HYDIN: variants seen among roughly 807,000 people sequenced by gnomAD.
The protein encoded by HYDIN is axonemal central pair apparatus protein HYDIN.
In HYDIN, 132 loss-of-function variants were observed where a neutral mutation model predicts 403.9. The ratio of observed to expected loss-of-function variants is 0.33; its 90% CI spans 0.28 to 0.38. HYDIN has a LOEUF of 0.38. Among genes scored for constraint, HYDIN ranks in the 10% least tolerant of loss-of-function variants. The probability of loss-of-function intolerance (pLI) is 1.00; values close to 1 mark genes in which losing one functional copy is unlikely to be tolerated. For synonymous variants in HYDIN, 1,202 were observed against 1,891.7 expected, an observed-to-expected ratio of 0.64 and a Z score of 9.46; for missense variants, 2,827 against 5,009.5, an observed-to-expected ratio of 0.56 and a Z score of 13.15.
chr16:71,140,064 G>C (rs368509412), intron 7 of HYDIN, among the ~76,000 whole-genome samples: 1 of 145,786 alleles, frequency 6.9e-6, no homozygotes, highest in African/African-American at 2.5e-5. Flanking sequence ...TGAAACAATG[G>C]AAACTAAAAA....
chr16:70,881,565 G>A (rs1798431), intron 60 of HYDIN, among the ~76,000 whole-genome samples: 20,122 of 138,470 alleles, frequency 0.15, 2,762 homozygotes, highest in African/African-American at 0.39. Context: ...CTGAGATTGC[G>A]CCACTGCACT....
chr16:71,067,790 G>A (rs1303879550), intron 14 of HYDIN, among the ~76,000 whole-genome samples: 1 of 152,028 alleles, frequency 6.6e-6, no homozygotes, highest in Non-Finnish European at 1.5e-5. Flanking sequence ...TATAGCACAA[G>A]TTCTCTTACA....
chr16:70,861,003 A>G (rs1203763002), intron 69 of HYDIN, 102 bp from the exon 70 acceptor site: 4 of 876,398 alleles, frequency 4.6e-6, no homozygotes, highest in Non-Finnish European at 5.4e-6. Flanking sequence ...TGTGAGCTCT[A>G]TGGGAGCAGA....
At chr16:71,048,888 T>C (rs1466782011) in intron 18 of HYDIN, among the ~76,000 whole-genome samples, 16 of 152,234 alleles carry the variant, frequency 1.1e-4, no homozygotes, top group African/African-American at 3.6e-4. Flanking sequence ...AAAAAAGAAC[T>C]CTGCTCTCTT....
rs1258439967 is a variant in HYDIN at position 70,882,814 on chromosome 16, G to C, written c.10061C>G (p.Thr3354Ser). ...TSANLHHILQ[T>S]IESGGLFVED... Reference sequence around the variant, plus strand: ...GACGAACAGCCCCCCGCTCTCTATGGTCTGCAGGATGTGGTGCAGGTTGGC... The same window carrying C: ...GACGAACAGCCCCCCGCTCTCTATGCTCTGCAGGATGTGGTGCAGGTTGGC... Residue 3354 changes from threonine to serine, a missense_variant, in exon 60 of 86, where the codon ACC (threonine) becomes AGC (serine). By Grantham distance (58) the Thr-to-Ser change is moderately conservative (BLOSUM62 1). Transcript: ENST00000393567. 5 of 1,518,356 alleles carry C rather than the reference G, an allele frequency of 3.3e-6. No individual in the cohort carries two copies. The African/African-American group carries it at 5.5e-5, about 17-fold the overall frequency. 94.1% of individuals were successfully genotyped at this position (1,518,356 alleles called of 1,614,324 possible). A position where few individuals can be genotyped will look rare whatever the true frequency, so the allele number is the denominator to read the frequency against.
intron 23 of HYDIN, among the ~76,000 whole-genome samples, chr16:70,999,032 G>A (rs965184966): frequency 6.6e-6 from 1 of 152,202 alleles, no homozygotes; most frequent in Non-Finnish European, 1.5e-5. Flanking sequence ...CTGGTCACGT[G>A]TGCTAAGGTG....
chr16:71,198,657 G>A (rs2087829189), intron 1 of HYDIN, among the ~76,000 whole-genome samples: 1 of 152,178 alleles, frequency 6.6e-6, no homozygotes, highest in East Asian at 1.9e-4. Flanking sequence ...GGGTCCCTCA[G>A]CTGTGGTGCA....
intron 22 of HYDIN, among the ~76,000 whole-genome samples, chr16:71,019,643 T>C (rs899876855): frequency 6.6e-6 from 1 of 152,260 alleles, no homozygotes; most frequent in East Asian, 1.9e-4. Context: ...GAAAATGACA[T>C]TATTGTTTTG....
At chr16:71,010,928 T>C (rs1247140256) in intron 23 of HYDIN, among the ~76,000 whole-genome samples, 1 of 152,230 alleles carries the variant, frequency 6.6e-6, no homozygotes, top group African/African-American at 2.4e-5. Context: ...CTGGCCCCCT[T>C]AAGCCACACA....
intron 20 of HYDIN, among the ~76,000 whole-genome samples, chr16:71,026,611 C>T (rs1466307957): frequency 1.3e-5 from 2 of 152,122 alleles, no homozygotes; most frequent in African/African-American, 4.8e-5. Context: ...ATGGTATACA[C>T]ACAATAAAAG....
rs529656450 is a variant in HYDIN, at chr16:70,976,277, C to A, written c.4639-1008G>T. 4.6e-5 allele frequency among the ~76,000 whole-genome samples: 7 copies of A among 152,396 alleles called. No individual in the cohort carries two copies. The East Asian group carries it at 1.3e-3, about 29-fold the overall frequency. ...GCAGACTTCCTTCTGTCTTTGCAAT[C>A]TCTCAGCAGATTGCCTGTGATGGGC... On this transcript the variant is annotated intron_variant, in intron 30 of 85. Coordinates refer to ENST00000393567, the MANE Select transcript of HYDIN (RefSeq NM_001270974.2).
Position 70,961,876 on chromosome 16 carries a change from G to A in HYDIN, c.5968+83C>T, listed in dbSNP as rs552948739. ...GCTAGGAGCCATACGAGGAGGCTTA[G>A]AGAAAGTGACAAGGTACTGAATATT... is the stretch of plus-strand genomic sequence containing the variant. On this transcript the variant is annotated intron_variant, in intron 38 of 85. Transcript: ENST00000393567. 2.3e-4 allele frequency: 231 copies of A among 989,354 alleles called. 2 individuals carry two copies. Among genetic ancestry groups the A allele is most frequent in the South Asian group, 2.2e-3 (126 of 57,038 alleles). The allele number at this position is 989,354 out of a possible 1,614,324, so 61.3% of individuals were successfully genotyped here. A position where few individuals can be genotyped will look rare whatever the true frequency, so the allele number is the denominator to read the frequency against.
At chr16:71,189,766 CAA>C (rs35684537) in intron 1 of HYDIN, among the ~76,000 whole-genome samples, 7 of 111,884 alleles carry the variant, frequency 6.3e-5, no homozygotes, top group Admixed American at 8.9e-5. Flanking sequence ...GACTCTGCCT[CAA>C]AAAAAAAAAA....
intron 23 of HYDIN, among the ~76,000 whole-genome samples, chr16:70,996,464 G>A (rs558564990): frequency 6.6e-6 from 1 of 151,936 alleles, no homozygotes; most frequent in Admixed American, 6.6e-5. Context: ...GGGGTCAGAG[G>A]GCTTGGGTTT....
At chr16:71,195,264 A>G (rs2087634318) in intron 1 of HYDIN, among the ~76,000 whole-genome samples, 2 of 152,170 alleles carry the variant, frequency 1.3e-5, no homozygotes, top group South Asian at 4.1e-4. Flanking sequence ...TAAAAAAAAA[A>G]AAAAGAAAAG....
intron 75 of HYDIN, among the ~76,000 whole-genome samples, chr16:70,841,790 C>T (rs952690228): frequency 1.3e-5 from 2 of 151,844 alleles, no homozygotes; most frequent in African/African-American, 2.4e-5. Context: ...TGCCATGTTA[C>T]GATGCAGCCA....
intron 10 of HYDIN, among the ~76,000 whole-genome samples, chr16:71,107,160 TG>T (rs2083646858): frequency 1.6e-5 from 1 of 63,076 alleles, no homozygotes; most frequent in Non-Finnish European, 3.0e-5. Context: ...TGTTGTGGGG[TG>T]GGGGGAGGGA....
chr16:71,020,622 A>G (rs1406873026), intron 21 of HYDIN, among the ~76,000 whole-genome samples: 1 of 152,152 alleles, frequency 6.6e-6, no homozygotes, highest in Admixed American at 6.5e-5. Flanking sequence ...CAGCCTGGCC[A>G]ACATGGTGAA....
intron 21 of HYDIN, among the ~76,000 whole-genome samples, chr16:71,020,904 C>G (rs1485509854): frequency 2.0e-5 from 3 of 150,460 alleles, no homozygotes; most frequent in Admixed American, 2.0e-4. Context: ...TTTTTTACCC[C>G]CTTGGTGCCT....
Sources: allele counts gnomAD v4.1 joint callset (sites outside exome capture counted in the v4.1 genomes callset), GRCh38; gene constraint gnomAD v4.1.1; transcripts MANE v1.5; gene names NCBI Gene and HGNC (gene_info 2026-07-23, HGNC 2026-07-21).